MIR2052HG: variants seen among roughly 807,000 people sequenced by gnomAD.
MIR2052HG encodes the protein MIR2052 host gene.
At position 74,629,014 on chromosome 8, in the gene MIR2052HG, C is replaced by G. The variant is rs1808474343; in HGVS notation, n.216+16074C>G. 3 of 152,108 alleles carry G rather than the reference C, an allele frequency of 2.0e-5. No homozygotes were observed. The South Asian group carries it at 6.2e-4, about 32-fold the overall frequency. The allele number at this position is 152,108 out of a possible 1,614,324, so 9.4% of individuals were successfully genotyped here. A position where few individuals can be genotyped will look rare whatever the true frequency, so the allele number is the denominator to read the frequency against. On this transcript the variant is annotated intron_variant and non_coding_transcript_variant, in intron 2 of 6. Transcript: ENST00000523442. ...TGAAGGCTTTTTAAAGGAAAATCCC[C>G]CTCCAGTTCACTGTTTTATTGAACG...
At chr8:74,738,041 C>CATGT (rs151115412) in intron 4 of MIR2052HG, among the ~76,000 whole-genome samples, 1 of 151,532 alleles carries the variant, frequency 6.6e-6, no homozygotes, top group East Asian at 1.9e-4. Flanking sequence ...GTTATGTATG[C>CATGT]ATGTATGTAT....
At chr8:74,640,804 C>T (rs1239815365) in intron 2 of MIR2052HG, among the ~76,000 whole-genome samples, 2 of 152,282 alleles carry the variant, frequency 1.3e-5, no homozygotes, top group East Asian at 3.9e-4. Context: ...ACCCTTTGCC[C>T]CTATTTTCAG....
chr8:74,644,633 A>G (rs999713945), intron 2 of MIR2052HG, among the ~76,000 whole-genome samples: 1 of 152,124 alleles, frequency 6.6e-6, no homozygotes, highest in Non-Finnish European at 1.5e-5. Context: ...GCTCACGCCT[A>G]CAATCCTAGC....
intron 4 of MIR2052HG, among the ~76,000 whole-genome samples, chr8:74,738,970 C>T (rs1217672478): frequency 1.3e-5 from 2 of 152,092 alleles, no homozygotes; most frequent in Admixed American, 1.3e-4. Context: ...TTTAAAGTTT[C>T]TTTGTTTTTC....
At chr8:74,633,811 G>A (rs1808549297) in intron 2 of MIR2052HG, among the ~76,000 whole-genome samples, 4 of 152,210 alleles carry the variant, frequency 2.6e-5, no homozygotes, top group Admixed American at 2.0e-4. Context: ...GACATTCAGA[G>A]ATGTAACTAT....
At chr8:74,677,513 G>A (rs1809067857) in intron 2 of MIR2052HG, among the ~76,000 whole-genome samples, 2 of 152,054 alleles carry the variant, frequency 1.3e-5, no homozygotes, top group Admixed American at 6.6e-5. Flanking sequence ...CTACCTCAGG[G>A]AAATTAGATT....
intron 2 of MIR2052HG, among the ~76,000 whole-genome samples, chr8:74,630,080 T>C (rs911833946): frequency 6.6e-6 from 1 of 152,206 alleles, no homozygotes; most frequent in Non-Finnish European, 1.5e-5. Context: ...ACAATGAATT[T>C]ATGTCATAGT....
intron 2 of MIR2052HG, among the ~76,000 whole-genome samples, chr8:74,698,252 G>A (rs1475794777): frequency 3.9e-5 from 6 of 152,198 alleles, no homozygotes; most frequent in Non-Finnish European, 7.4e-5. Context: ...AAACAAAGTC[G>A]GGGAAAGGAC....
At chr8:74,661,435 T>A (rs185511754) in intron 2 of MIR2052HG, among the ~76,000 whole-genome samples, 1 of 152,218 alleles carries the variant, frequency 6.6e-6, no homozygotes, top group Non-Finnish European at 1.5e-5. Flanking sequence ...ACTCCTGACC[T>A]CCTGATCCGC....
intron 2 of MIR2052HG, among the ~76,000 whole-genome samples, chr8:74,677,257 C>T (rs890616710): frequency 6.6e-6 from 1 of 151,974 alleles, no homozygotes; most frequent in African/African-American, 2.4e-5. Flanking sequence ...TGTGTTAATA[C>T]ACCTCTTTCC....
intron 2 of MIR2052HG, among the ~76,000 whole-genome samples, chr8:74,656,851 G>A (rs974674713): frequency 3.3e-5 from 5 of 152,116 alleles, no homozygotes; most frequent in Non-Finnish European, 5.9e-5. Context: ...AGCTTTTCAG[G>A]GACAAAAGAA....
intron 2 of MIR2052HG, among the ~76,000 whole-genome samples, chr8:74,669,754 A>G (rs1808970460): frequency 6.6e-6 from 1 of 151,934 alleles, no homozygotes; most frequent in African/African-American, 2.4e-5. Flanking sequence ...TACTTTTTCT[A>G]TCTTCTCCTC....
intron 2 of MIR2052HG, among the ~76,000 whole-genome samples, chr8:74,637,385 G>A (rs1808594509): frequency 1.3e-5 from 2 of 151,316 alleles, no homozygotes; most frequent in African/African-American, 2.5e-5. Flanking sequence ...GAGAGATGGG[G>A]GGTGAAAATT....
At chr8:74,678,436 G>T (rs559592404) in intron 2 of MIR2052HG, among the ~76,000 whole-genome samples, 12 of 151,758 alleles carry the variant, frequency 7.9e-5, no homozygotes, top group Non-Finnish European at 1.3e-4. Context: ...AGTGGCAGGC[G>T]CCTGTAATCC....
intron 2 of MIR2052HG, among the ~76,000 whole-genome samples, chr8:74,627,165 T>C (rs144379511): frequency 6.6e-6 from 1 of 152,336 alleles, no homozygotes; most frequent in African/African-American, 2.4e-5. Context: ...TGCTGTTTTA[T>C]ATTTTCAAGA....
intron 2 of MIR2052HG, among the ~76,000 whole-genome samples, chr8:74,682,173 T>C (rs1809132736): frequency 6.6e-6 from 1 of 152,018 alleles, no homozygotes; most frequent in African/African-American, 2.4e-5. Context: ...AGTTGAAAAA[T>C]TTAAATGGGA....
intron 4 of MIR2052HG, among the ~76,000 whole-genome samples, chr8:74,740,659 C>G (rs1466607554): frequency 2.6e-5 from 4 of 152,080 alleles, no homozygotes; most frequent in Non-Finnish European, 5.9e-5. Context: ...ATTAAATAAT[C>G]TAAATAGCTT....
At chr8:74,744,724 A>G (rs2128756071) in intron 4 of MIR2052HG, among the ~76,000 whole-genome samples, 1 of 152,220 alleles carries the variant, frequency 6.6e-6, no homozygotes, top group East Asian at 1.9e-4. Context: ...CCAGTCTATC[A>G]TTGTTGGACA....
rs141938118 is a variant in MIR2052HG at position 74,622,756 on chromosome 8, G to A, written n.216+9816G>A. Among the ~76,000 whole-genome samples, 760 of 151,722 alleles carry A rather than the reference G, an allele frequency of 5.0e-3. 11 individuals are homozygous for A. The highest frequency in any genetic ancestry group is 0.017 in the African/African-American group (705 of 41,340). ...CAATAACAAATATTGGTGAGCATGCGGGGAAAAAACGAGGCACACTGTTGG... is the reference window on the plus strand; with the variant it reads ...CAATAACAAATATTGGTGAGCATGCAGGGAAAAAACGAGGCACACTGTTGG... On this transcript the variant is annotated intron_variant and non_coding_transcript_variant, in intron 2 of 6. Transcript: ENST00000523442.
Sources: allele counts gnomAD v4.1 joint callset (sites outside exome capture counted in the v4.1 genomes callset), GRCh38; gene constraint gnomAD v4.1.1; transcripts MANE v1.5; gene names NCBI Gene and HGNC (gene_info 2026-07-23, HGNC 2026-07-21).